The following HEATR5A variants were observed in gnomAD, a reference collection of about 807,000 sequenced individuals.
HEATR5A encodes HEAT repeat-containing protein 5A.
Under a neutral mutation model 218.8 loss-of-function variants are expected in HEATR5A, and 178 were observed. The observed-to-expected ratio is 0.81, with a 90% CI of 0.72 to 0.92. The LOEUF is 0.92. Among genes scored for constraint, HEATR5A ranks in the 40% least tolerant of loss-of-function variants. HEATR5A has a pLI of 0.00. For synonymous variants in HEATR5A, 864 were observed against 871.6 expected (o/e 0.99, Z 0.15); for missense variants, 2,420 against 2,418.9 (o/e 1.00, Z -0.01).
chr14:31,415,117 C>T (rs985246719), intron 1 of HEATR5A, among the ~76,000 whole-genome samples: 3 of 152,188 alleles, frequency 2.0e-5, no homozygotes, highest in Non-Finnish European at 4.4e-5. Context: ...GGATTATAGG[C>T]GTGAGCCACC....
chr14:31,309,346 G>C (rs981063609), intron 28 of HEATR5A, among the ~76,000 whole-genome samples, 164 bp from the exon 29 acceptor site: 1 of 152,076 alleles, frequency 6.6e-6, no homozygotes, highest in Non-Finnish European at 1.5e-5. Flanking sequence ...GTTTTTATCA[G>C]CACAGATTAG....
intron 21 of HEATR5A, among the ~76,000 whole-genome samples, chr14:31,341,233 T>C (rs80162283): frequency 0.031 from 4,700 of 152,274 alleles, 227 homozygotes; most frequent in African/African-American, 0.11. Context: ...TCAGATCTTC[T>C]CACTTGCTCT....
rs556826964 is a variant in HEATR5A, at chr14:31,333,943, T to C, written c.3367+3533A>G. On this transcript the variant is annotated intron_variant, in intron 22 of 35. Transcript: ENST00000543095. ...GGTCCAGCTACCAAGGAGGCTGAGG[T>C]GGAAAGATCACATGAGCCTGGAAAG... 7.2e-5 allele frequency among the ~76,000 whole-genome samples: 10 copies of C among 139,428 alleles called. No homozygotes were observed. The East Asian group carries it at 1.9e-3, about 26-fold the overall frequency. 91.5% of individuals were successfully genotyped at this position (139,428 alleles called of 152,430 possible). A position where few individuals can be genotyped will look rare whatever the true frequency, so the allele number is the denominator to read the frequency against.
intron 22 of HEATR5A, among the ~76,000 whole-genome samples, chr14:31,327,194 T>C (rs981741608): frequency 4.0e-5 from 6 of 151,634 alleles, no homozygotes; most frequent in African/African-American, 1.5e-4. Flanking sequence ...AGGCTGGTCT[T>C]GAACTCCTGA....
Position 31,400,487 on chromosome 14 carries a change from G to C in HEATR5A, c.152C>G (p.Thr51Ser). The C allele has an allele frequency of 6.5e-7, 1 of 1,535,344 alleles. No individual in the cohort carries two copies. The highest frequency in any genetic ancestry group is 1.2e-5 in the South Asian group (1 of 84,006). ...CAAAGACAGGAGCTGTTCAACAAGAGTCTTCTGTTTCTCCCTTACATCATT... is the reference window on the plus strand; with the variant it reads ...CAAAGACAGGAGCTGTTCAACAAGACTCTTCTGTTTCTCCCTTACATCATT... ...SRNDVREKQKTLVEQLLSLLN... is the reference protein window; with the variant it reads ...SRNDVREKQKSLVEQLLSLLN... The change falls in exon 3 of 36, where the codon ACT (threonine) becomes AGT (serine). Residue 51 changes from threonine to serine, a missense_variant. Coordinates refer to ENST00000543095, the MANE Select transcript of HEATR5A (RefSeq NM_015473.4).
chr14:31,357,284 G>C (rs1023515412), intron 16 of HEATR5A, among the ~76,000 whole-genome samples: 2 of 152,184 alleles, frequency 1.3e-5, no homozygotes, highest in African/African-American at 4.8e-5. Flanking sequence ...ACCTGTTTCA[G>C]AGAGGTGTTG....
At chr14:31,394,774 C>T (rs1056424757) in intron 5 of HEATR5A, among the ~76,000 whole-genome samples, 1 of 151,986 alleles carries the variant, frequency 6.6e-6, no homozygotes, top group Non-Finnish European at 1.5e-5. Flanking sequence ...GCCGAGATCG[C>T]GCCTCTACAC....
At chr14:31,397,281 T>C (rs17555805) in intron 4 of HEATR5A, among the ~76,000 whole-genome samples, 2,412 of 152,314 alleles carry the variant, frequency 0.016, 150 homozygotes, top group Admixed American at 0.11. Context: ...GGCTGTTCTC[T>C]AGATTATTTT....
chr14:31,334,367 G>T, intron 22 of HEATR5A: 1 of 455,534 alleles, frequency 2.2e-6, no homozygotes, highest in Non-Finnish European at 4.4e-6. Context: ...GATGGATCCA[G>T]GCAAAGTAAC....
At chr14:31,347,190 G>A (rs7161078) in intron 19 of HEATR5A, among the ~76,000 whole-genome samples, 128,712 of 152,146 alleles carry the variant, frequency 0.85, 55,311 homozygotes, top group Non-Finnish European at 0.93. Context: ...TAAAATAGTA[G>A]ATGCTGTTAT....
chr14:31,358,202 C>G (rs947763436), intron 16 of HEATR5A, among the ~76,000 whole-genome samples: 20 of 152,140 alleles, frequency 1.3e-4, no homozygotes, highest in Non-Finnish European at 2.9e-5. Context: ...GACCACTGGT[C>G]TAAAGTTCAT....
chr14:31,365,089 G>A (rs1335642917), intron 13 of HEATR5A, among the ~76,000 whole-genome samples: 2 of 150,502 alleles, frequency 1.3e-5, no homozygotes, highest in African/African-American at 4.9e-5. Flanking sequence ...TGGCCAGGGT[G>A]GTCTTGGACT....
chr14:31,349,383 C>CA (rs767175084), intron 18 of HEATR5A, among the ~76,000 whole-genome samples: 2,265 of 138,928 alleles, frequency 0.016, 19 homozygotes, highest in Non-Finnish European at 0.025. Context: ...GACTCCGTCT[C>CA]AAAAAAAAAA....
Position 31,351,108 on chromosome 14 carries a change from T to C in HEATR5A, c.2412-391A>G, listed in dbSNP as rs527666938. The stretch of plus-strand genomic sequence containing the variant: ...TCAATACCATTTAAACTTCACACTT[T>C]AGGTTCTTTAAACTACTGCAGTAAT... On this transcript the variant is annotated intron_variant, in intron 16 of 35. Transcript: ENST00000543095. Among the ~76,000 whole-genome samples the C allele has an allele frequency of 3.3e-5, 5 of 152,310 alleles. No individual in the cohort carries two copies. The South Asian group carries it at 8.3e-4, about 25-fold the overall frequency.
rs1300786838 is a variant in HEATR5A, at chr14:31,293,985, G to A, written c.5739C>T (p.Asp1913=). The change falls in exon 35 of 36, where the codon GAC becomes GAT. Residue 1913 remains aspartate (D), a synonymous_variant. Coordinates refer to ENST00000543095, the MANE Select transcript of HEATR5A (RefSeq NM_015473.4). ...CAGCAGTGTTTTCAGGTTTTCTCTTGTCTATTTCCTGCAGTTTTTCCATGA... is the reference window on the plus strand; with the variant it reads ...CAGCAGTGTTTTCAGGTTTTCTCTTATCTATTTCCTGCAGTTTTTCCATGA... ...SCIMEKLQEI[D]KRKPENTAEL... 6.2e-7 allele frequency: 1 copy of A among 1,606,400 alleles called. No individual in the cohort carries two copies. The highest frequency in any genetic ancestry group is 8.5e-7 in the Non-Finnish European group (1 of 1,176,196).
chr14:31,331,104 C>A (rs1900454299), intron 22 of HEATR5A, among the ~76,000 whole-genome samples: 2 of 151,682 alleles, frequency 1.3e-5, no homozygotes, highest in Non-Finnish European at 2.9e-5. Context: ...CCACGCATGG[C>A]TAAGTTTTGT....
intron 11 of HEATR5A, among the ~76,000 whole-genome samples, chr14:31,378,878 T>G (rs1170522874): frequency 6.6e-6 from 1 of 152,098 alleles, no homozygotes; most frequent in Non-Finnish European, 1.5e-5. Flanking sequence ...TAGGTCAAAT[T>G]ACTTTATAGG....
At chr14:31,398,277 T>C (rs749497669) in intron 4 of HEATR5A, among the ~76,000 whole-genome samples, 5 of 152,194 alleles carry the variant, frequency 3.3e-5, no homozygotes, top group Non-Finnish European at 7.3e-5. Context: ...CTTCTGATGC[T>C]AGTACAGTAA....
chr14:31,326,763 C>T (rs892995383), intron 22 of HEATR5A, among the ~76,000 whole-genome samples: 1 of 152,040 alleles, frequency 6.6e-6, no homozygotes, highest in African/African-American at 2.4e-5. Flanking sequence ...CTGCCTCAGC[C>T]TCCCTAGTAG....
Sources: allele counts gnomAD v4.1 joint callset (sites outside exome capture counted in the v4.1 genomes callset), GRCh38; gene constraint gnomAD v4.1.1; transcripts MANE v1.5; gene names NCBI Gene and HGNC (gene_info 2026-07-23, HGNC 2026-07-21).